SMARCA4: variants seen among roughly 807,000 people sequenced by gnomAD.
The protein encoded by SMARCA4 is SWI/SNF related BAF chromatin remodeling complex subunit ATPase 4, also known as SWI/SNF-related matrix-associated actin-dependent regulator of chromatin subfamily A member 4.
Under a neutral mutation model 193.9 loss-of-function variants are expected in SMARCA4, and 31 were observed. The ratio of observed to expected loss-of-function variants is 0.16; its 90% CI spans 0.12 to 0.22. SMARCA4 has a LOEUF of 0.22. SMARCA4 is among the 10% of genes least tolerant of loss of function. SMARCA4 has a pLI of 1.00. For missense variants in SMARCA4, 1,148 were observed against 2,296.0 expected, an observed-to-expected ratio of 0.50 and a Z score of 10.22; for synonymous variants, 942 against 933.1, an observed-to-expected ratio of 1.01 and a Z score of -0.17.
intron 29 of SMARCA4, among the ~76,000 whole-genome samples, chr19:11,038,825 T>A (rs2075409263): frequency 6.6e-6 from 1 of 152,240 alleles, no homozygotes; most frequent in Admixed American, 6.5e-5. Context: ...GGGGATTCTC[T>A]TAATATTGTT....
intron 8 of SMARCA4, among the ~76,000 whole-genome samples, chr19:10,993,445 C>T (rs17001074): frequency 0.033 from 5,007 of 152,248 alleles, 124 homozygotes; most frequent in Non-Finnish European, 0.041. Context: ...ATGCTAGGAC[C>T]GGAATTCTTG....
chr19:10,985,385 C>T lies in SMARCA4; in HGVS notation c.335C>T (p.Pro112Leu), dbSNP rs1057523400. Residue 112 changes from proline (P) to leucine (L), a missense_variant, in exon 3 of 35, where the codon CCC becomes CTC. This residue lies in a region of SMARCA4 where 201 missense variants were observed against 248.3 expected (regional missense o/e 0.81). Coordinates refer to ENST00000344626, the MANE Select transcript of SMARCA4 (RefSeq NM_003072.5). The surrounding 1 kb of genome is among the most constrained non-coding windows in gnomAD (Gnocchi z 4.5). Reference sequence around the variant, plus strand: ...GCTGGGATGGGGCCCCCGCCCAGCCCCATGGACCAGCACTCCCAAGGTACA... The same window carrying T: ...GCTGGGATGGGGCCCCCGCCCAGCCTCATGGACCAGCACTCCCAAGGTACA... ...GHAGMGPPPS[P>L]MDQHSQGYPS... 1.9e-6 allele frequency: 3 copies of T among 1,613,788 alleles called. No individual in the cohort carries two copies. In the African/African-American group the frequency reaches 4.0e-5, roughly 22 times the overall value.
intron 1 of SMARCA4, among the ~76,000 whole-genome samples, chr19:10,966,580 C>G (rs917586863): frequency 6.6e-6 from 1 of 151,170 alleles, no homozygotes; most frequent in Non-Finnish European, 1.5e-5. Flanking sequence ...ACAACAAGAC[C>G]CTATCTTAAA....
In SMARCA4 at chr19:11,025,514, C is replaced by T. The variant is rs1199002342; in HGVS notation, c.3168+6C>T. 6.2e-7 allele frequency: 1 copy of T among 1,610,348 alleles called. No individual in the cohort carries two copies. The highest frequency in any genetic ancestry group is 1.7e-5 in the Admixed American group (1 of 60,014). ...ACATGTTCCAGCACATCGAGGTGAG[C>T]CCGCCGCGGCTGGGACGGCTCAGGC... is the stretch of plus-strand genomic sequence containing the variant. On this transcript the variant is annotated splice_donor_region_variant and intron_variant, in intron 22 of 34. Coordinates refer to ENST00000344626, the MANE Select transcript of SMARCA4 (RefSeq NM_003072.5).
rs1304591340 is a variant in SMARCA4, at chr19:11,033,890, T to C, written c.3873+25T>C. The C allele has an allele frequency of 1.3e-6, 1 of 775,624 alleles. No individual in the cohort carries two copies. Among genetic ancestry groups the C allele is most frequent in the Non-Finnish European group, 2.4e-6 (1 of 417,642 alleles). 48.0% of individuals were successfully genotyped at this position (775,624 alleles called of 1,614,324 possible). On this transcript the variant is annotated intron_variant, in intron 27 of 34. Coordinates refer to ENST00000344626, the MANE Select transcript of SMARCA4 (RefSeq NM_003072.5). The surrounding 1 kb of genome is among the most constrained non-coding windows in gnomAD (Gnocchi z 9.8). ...GGTGAGAGGGGTAGTTCAGTCTCCA[T>C]GCCCATTCAATCCTCGGCTTCTCGG...
rs778446601 is a variant in SMARCA4, at chr19:10,987,714, T to C, written c.908T>C (p.Ile303Thr). 1.2e-6 allele frequency: 2 copies of C among 1,611,436 alleles called. No individual in the cohort carries two copies. Among genetic ancestry groups the C allele is most frequent in the South Asian group, 2.2e-5 (2 of 90,988 alleles). Residue 303 changes from isoleucine to threonine, a missense_variant, in exon 6 of 35, where the codon ATT becomes ACT. Ile to Thr is a moderately conservative substitution (Grantham distance 89). Around this residue, in one of 17 missense-constraint regions of SMARCA4, gnomAD observed 257 missense variants for 276.5 expected, o/e 0.93. Coordinates refer to ENST00000344626, the MANE Select transcript of SMARCA4 (RefSeq NM_003072.5). This position sits in a 1 kb window ranked among gnomAD's most constrained non-coding sequence, Gnocchi z 5.3. ...AAPTSTPQKL[I>T]PPQPTGRPSP... Reference sequence around the variant, plus strand: ...CCCACGAGCACCCCTCAGAAGCTGATTCCCCCGCAGCCAACGGGCCGCCCT... The same window carrying C: ...CCCACGAGCACCCCTCAGAAGCTGACTCCCCCGCAGCCAACGGGCCGCCCT...
At position 11,039,544 on chromosome 19, in the gene SMARCA4, T is replaced by A. The variant is rs878854222; in HGVS notation, c.4171-1763T>A. ...AGCGTGGCCTTCAGTTCTGCACACG[T>A]GCGTCAAAGGTGGGGAGAGTTCTGG... On this transcript the variant is annotated intron_variant, in intron 29 of 34. Coordinates refer to ENST00000344626, the MANE Select transcript of SMARCA4 (RefSeq NM_003072.5). 4 of 1,597,344 alleles carry A rather than the reference T, an allele frequency of 2.5e-6. No homozygotes were observed. Among genetic ancestry groups the A allele is most frequent in the Non-Finnish European group, 3.4e-6 (4 of 1,172,840 alleles).
At chr19:11,010,026 A>G (rs923670291) in intron 14 of SMARCA4, among the ~76,000 whole-genome samples, 4 of 151,956 alleles carry the variant, frequency 2.6e-5, no homozygotes, top group Non-Finnish European at 5.9e-5. Context: ...GGGTTTCACC[A>G]TGTTGGCCAG....
At chr19:10,979,373 C>T (rs972942152) in intron 1 of SMARCA4, among the ~76,000 whole-genome samples, 3 of 149,340 alleles carry the variant, frequency 2.0e-5, no homozygotes, top group South Asian at 2.1e-4. Flanking sequence ...ATAAAAAGAA[C>T]GGATGACTCT....
chr19:11,036,433 AT>A (rs1225271274), intron 29 of SMARCA4, among the ~76,000 whole-genome samples: 1 of 152,060 alleles, frequency 6.6e-6, no homozygotes, highest in East Asian at 1.9e-4. Context: ...CTAATTTTAA[AT>A]TTTTTGTAAA....
intron 14 of SMARCA4, chr19:11,008,281 G>C (rs1023695405): frequency 2.3e-6 from 1 of 427,478 alleles, no homozygotes; most frequent in African/African-American, 2.0e-5. Context: ...TCCTCACCCC[G>C]TTCTCTGCTC....
chr19:10,981,032 G>T (rs560733274), intron 1 of SMARCA4, among the ~76,000 whole-genome samples: 1 of 152,198 alleles, frequency 6.6e-6, no homozygotes, highest in African/African-American at 2.4e-5. Flanking sequence ...GATTACAGGC[G>T]TGCTGGATTG....
intron 1 of SMARCA4, among the ~76,000 whole-genome samples, chr19:10,968,472 G>A (rs1215673945): frequency 1.3e-5 from 2 of 151,970 alleles, no homozygotes; most frequent in Non-Finnish European, 2.9e-5. Context: ...AATAGTGATC[G>A]ACTTTAAAAT....
At chr19:11,017,627 G>T (rs1259243721) in intron 16 of SMARCA4, among the ~76,000 whole-genome samples, 1 of 152,238 alleles carries the variant, frequency 6.6e-6, no homozygotes, top group Non-Finnish European at 1.5e-5. Context: ...CCTGACCCTT[G>T]CTCCTGGCTC....
At chr19:11,018,323 C>T (rs572806744) in intron 16 of SMARCA4, 11 of 190,174 alleles carry the variant, frequency 5.8e-5, no homozygotes, top group South Asian at 1.1e-4. Context: ...TCTAGGCTGT[C>T]GGTCTCAGGT....
intron 14 of SMARCA4, 66 bp from the exon 15 acceptor site, chr19:11,010,315 A>T (rs2146229260): frequency 6.4e-7 from 1 of 1,565,548 alleles, no homozygotes; most frequent in Non-Finnish European, 8.8e-7. Context: ...AGCTTGTGTC[A>T]GGAGCCAGCA....
Position 10,986,991 on chromosome 19 carries a change from C to T in SMARCA4, c.847C>T (p.Pro283Ser), listed in dbSNP as rs775769095. The T allele has an allele frequency of 8.7e-6, 14 of 1,604,904 alleles. No homozygotes were observed. Among genetic ancestry groups the T allele is most frequent in the Non-Finnish European group, 1.1e-5 (13 of 1,179,218 alleles). Residue 283 changes from proline to serine, a missense_variant, in exon 5 of 35, where the codon CCC (proline) becomes TCC (serine). Coordinates refer to ENST00000344626, the MANE Select transcript of SMARCA4 (RefSeq NM_003072.5). The surrounding 1 kb of genome is among the most constrained non-coding windows in gnomAD (Gnocchi z 6.7). Reference sequence around the variant, plus strand: ...CCAGCCTCCTGGAGGGCCTCCCAAGCCCTGGCCTGAAGGTGAGCTCCCTCT... The same window carrying T: ...CCAGCCTCCTGGAGGGCCTCCCAAGTCCTGGCCTGAAGGTGAGCTCCCTCT... ...PGQPPGGPPK[P>S]WPEGPMANAA...
At chr19:10,997,427 T>C (rs1443505399) in intron 11 of SMARCA4, among the ~76,000 whole-genome samples, 1 of 151,734 alleles carries the variant, frequency 6.6e-6, no homozygotes, top group Non-Finnish European at 1.5e-5. Flanking sequence ...TTCAATCTCC[T>C]GACCTCGTGA....
At chr19:11,061,204 A>AATATAT (rs55894159) in intron 34 of SMARCA4, among the ~76,000 whole-genome samples, 64 of 45,178 alleles carry the variant, frequency 1.4e-3, no homozygotes, top group East Asian at 3.1e-3. Flanking sequence ...AAAAAAAAAA[A>AATATAT]ATATATATAT....
Sources: allele counts gnomAD v4.1 joint callset (sites outside exome capture counted in the v4.1 genomes callset), GRCh38; gene constraint gnomAD v4.1.1; regional missense constraint gnomAD v4.1.1; non-coding constraint Gnocchi (gnomAD v3.1); transcripts MANE v1.5; gene names NCBI Gene and HGNC (gene_info 2026-07-23, HGNC 2026-07-21).